RYR3: variants seen among roughly 807,000 people sequenced by gnomAD.
The protein encoded by RYR3 is brain ryanodine receptor-calcium release channel.
A neutral mutation model predicts 584.3 loss-of-function variants in RYR3; 207 were observed. That is an observed-to-expected ratio of 0.35 (90% confidence interval 0.32 to 0.40). The LOEUF (loss-of-function observed/expected upper bound fraction) is 0.40, where lower values mean the gene tolerates loss of function less well. RYR3 is among the 10% of genes least tolerant of loss of function. The pLI is 1.00. For missense variants in RYR3, 5,616 were observed against 6,089.2 expected, an observed-to-expected ratio of 0.92 and a Z score of 2.59; for synonymous variants, 2,416 against 2,248.5, an observed-to-expected ratio of 1.07 and a Z score of -2.11.
intron 1 of RYR3, among the ~76,000 whole-genome samples, chr15:33,459,209 C>G (rs28465311): frequency 6.6e-5 from 10 of 152,306 alleles, no homozygotes; most frequent in South Asian, 4.2e-4. Flanking sequence ...TTGAGCCCCA[C>G]GGCTTCATAG....
At chr15:33,845,148 C>G (rs767767589) in intron 93 of RYR3, 86 bp downstream of exon 93, 2 of 1,408,230 alleles carry the variant, frequency 1.4e-6, no homozygotes, top group Non-Finnish European at 2.0e-6. Context: ...TGCTCTAAGA[C>G]TTTGCTAGCC....
In RYR3 at chr15:33,746,803, C is replaced by CTTTTTTTTT. The variant is rs367738785; in HGVS notation, c.7989+654_7989+662dup. On this transcript the variant is annotated intron_variant, in intron 53 of 103. Transcript: ENST00000634891. The stretch of plus-strand genomic sequence containing the variant: ...GACAAAAATAATTTCTTTCTTTCTT[C>CTTTTTTTTT]TTTTTTTTTTTTTTTTCTCTTTTGA... 3.7e-5 allele frequency among the ~76,000 whole-genome samples: 5 copies of CTTTTTTTTT among 135,704 alleles called. 1 individual carries two copies. Among genetic ancestry groups the CTTTTTTTTT allele is most frequent in the East Asian group, 4.5e-4 (2 of 4,458 alleles). 89.0% of individuals were successfully genotyped at this position (135,704 alleles called of 152,430 possible).
intron 3 of RYR3, among the ~76,000 whole-genome samples, chr15:33,508,020 C>T (rs114403445): frequency 0.021 from 3,128 of 152,216 alleles, 98 homozygotes; most frequent in African/African-American, 0.072. Flanking sequence ...CAACTAGGTG[C>T]ATGTTAAACT....
Position 33,722,859 on chromosome 15 carries a change from C to A in RYR3, c.6764C>A (p.Ala2255Glu), listed in dbSNP as rs796687835. The change falls in exon 44 of 104, where the codon GCG (alanine) becomes GAG (glutamate). Residue 2255 changes from alanine (A) to glutamate (E), a missense_variant. By Grantham distance (107) the Ala-to-Glu change is moderately radical. Around this residue, in one of 9 missense-constraint regions of RYR3, gnomAD observed 1,280 missense variants for 1,426.2 expected, o/e 0.90. Transcript: ENST00000634891. ...QGAIKISENP[A>E]LDLPSQGYKR... The stretch of plus-strand genomic sequence containing the variant: ...GCCATTAAGATCTCTGAGAACCCAG[C>A]GCTCGACCTCCCCTCTCAAGGATAC... 2 of 1,596,408 alleles carry A rather than the reference C, an allele frequency of 1.3e-6. No homozygotes were observed. Among genetic ancestry groups the A allele is most frequent in the East Asian group, 2.2e-5 (1 of 44,604 alleles).
intron 99 of RYR3, chr15:33,858,743 T>C (rs7497687): frequency 1.3e-5 from 2 of 152,112 alleles, no homozygotes; most frequent in Non-Finnish European, 2.9e-5. Context: ...CTGCCCAGAG[T>C]AAGCCAGCTT....
At chr15:33,505,195 A>C (rs144665403) in intron 3 of RYR3, among the ~76,000 whole-genome samples, 1 of 152,300 alleles carries the variant, frequency 6.6e-6, no homozygotes, top group African/African-American at 2.4e-5. Context: ...CATTTCGGCC[A>C]TCCTCCAGCC....
chr15:33,643,363 A>G (rs1304562945), intron 27 of RYR3, among the ~76,000 whole-genome samples: 3 of 152,196 alleles, frequency 2.0e-5, no homozygotes, highest in African/African-American at 7.2e-5. Context: ...TTGTTGGTCC[A>G]CAATTATGAT....
chr15:33,620,351 C>G (rs1372800638), intron 19 of RYR3, among the ~76,000 whole-genome samples: 1 of 152,122 alleles, frequency 6.6e-6, no homozygotes, highest in Non-Finnish European at 1.5e-5. Context: ...CCCTTTCTCC[C>G]TAAAAGTTCT....
intron 92 of RYR3, 94 bp downstream of exon 92, chr15:33,843,668 T>G: frequency 1.1e-6 from 1 of 913,812 alleles, no homozygotes; most frequent in Non-Finnish European, 1.7e-6. Context: ...GTGCTCTTAA[T>G]TGTAGCAAAC....
chr15:33,620,534 A>T (rs2152584541), intron 19 of RYR3, among the ~76,000 whole-genome samples: 1 of 152,274 alleles, frequency 6.6e-6, no homozygotes, highest in South Asian at 2.1e-4. Flanking sequence ...TAACTGTGGG[A>T]CCTCAACCAA....
In RYR3 at chr15:33,473,488, G is replaced by T. The variant is rs1383625599; in HGVS notation, c.121G>T (p.Glu41Ter). ...KEQRKFCLAA[E>*]GLGNRLCFLE... The stretch of plus-strand genomic sequence containing the variant: ...GCAGAGGAAGTTCTGCCTGGCAGCC[G>T]AGGGACTTGGGAATCGCCTGTGCTT... The change falls in exon 2 of 104, where the codon GAG (glutamate) becomes TAG (stop). Residue 41 changes from glutamate to a stop codon, truncating the protein, a stop_gained. Transcript: ENST00000634891. LOFTEE classifies it high-confidence loss of function. 3 of 1,613,822 alleles carry T rather than the reference G, an allele frequency of 1.9e-6. No homozygotes were observed. The highest frequency in any genetic ancestry group is 1.3e-5 in the African/African-American group (1 of 74,910).
chr15:33,794,047 T>TTAC (rs2075350989), intron 67 of RYR3, among the ~76,000 whole-genome samples: 6 of 21,184 alleles, frequency 2.8e-4, no homozygotes, highest in Non-Finnish European at 7.7e-4. Flanking sequence ...TAAATACATA[T>TTAC]ATATAAATAT....
rs1423109122 is a variant in RYR3, at chr15:33,820,757, G to A, written c.10760G>A (p.Ser3587Asn). ...CCTTCCCTGCTCCATGAAATCCAGA[G>A]TTGTCAAAGTGGTGAGGATGAAGAA... ...YTSYSSMMAK[S>N]CQSGEDEEED... The change falls in exon 78 of 104, where the codon AGT becomes AAT. Residue 3587 changes from serine (S) to asparagine (N), a missense_variant and splice_region_variant. Coordinates refer to ENST00000634891, the MANE Select transcript of RYR3 (RefSeq NM_001036.6). The A allele has an allele frequency of 7.5e-6, 12 of 1,605,446 alleles. No homozygotes were observed. Among genetic ancestry groups the A allele is most frequent in the Non-Finnish European group, 9.4e-6 (11 of 1,175,862 alleles).
chr15:33,748,656 A>G, intron 55 of RYR3, 126 bp downstream of exon 55: 1 of 821,100 alleles, frequency 1.2e-6, no homozygotes, highest in Non-Finnish European at 2.0e-6. Flanking sequence ...AAAACTGAAG[A>G]CGGTCACCTT....
intron 39 of RYR3, 113 bp from the exon 40 acceptor site, chr15:33,697,769 C>T: frequency 1.5e-6 from 1 of 662,224 alleles, no homozygotes; most frequent in South Asian, 1.8e-5. Context: ...ATCTTTTCAG[C>T]CTGTTACTTT....
intron 1 of RYR3, among the ~76,000 whole-genome samples, chr15:33,395,588 GC>G (rs2042248989): frequency 1.3e-5 from 2 of 152,204 alleles, no homozygotes; most frequent in Non-Finnish European, 2.9e-5. Context: ...GTGACTGACA[GC>G]CTTCCCGTGA....
Position 33,503,640 on chromosome 15 carries a change from C to T in RYR3, c.181C>T (p.Pro61Ser). ...GATTTTATTTCCACAGTACATTCCT[C>T]CAGATCTCTGCGTCTGCAATTTTGT... ...EPTSEAKYIP[P>S]DLCVCNFVLE... Residue 61 changes from proline to serine, a missense_variant, in exon 3 of 104, where the codon CCA (proline) becomes TCA (serine). Physicochemically the swap from Pro to Ser is moderately conservative, Grantham distance 74. Coordinates refer to ENST00000634891, the MANE Select transcript of RYR3 (RefSeq NM_001036.6). 6 of 1,604,602 alleles carry T rather than the reference C, an allele frequency of 3.7e-6. No individual in the cohort carries two copies. The highest frequency in any genetic ancestry group is 4.3e-6 in the Non-Finnish European group (5 of 1,172,628).
rs1270228059 is a variant in RYR3, at chr15:33,771,937, G to T, written c.8834G>T (p.Gly2945Val). 1 of 1,611,946 alleles carries T rather than the reference G, an allele frequency of 6.2e-7. No homozygotes were observed. Among genetic ancestry groups the T allele is most frequent in the Admixed American group, 1.7e-5 (1 of 59,834 alleles). Residue 2945 changes from glycine (G) to valine (V), a missense_variant, in exon 63 of 104, where the codon GGC becomes GTC. By Grantham distance (109) the Gly-to-Val change is moderately radical (BLOSUM62 -3). This residue lies in a region of RYR3 where 1,280 missense variants were observed against 1,426.2 expected (regional missense o/e 0.90). Coordinates refer to ENST00000634891, the MANE Select transcript of RYR3 (RefSeq NM_001036.6). ...TLDTRTVMKS[G>V]SELVKAGLRA... ...GCTTGCAGGACTGTCATGAAGTCAGGCTCAGAGCTGGTGAAGGCTGGGTTA... is the reference window on the plus strand; with the variant it reads ...GCTTGCAGGACTGTCATGAAGTCAGTCTCAGAGCTGGTGAAGGCTGGGTTA...
At chr15:33,379,691 A>C (rs867346377) in intron 1 of RYR3, among the ~76,000 whole-genome samples, 12,500 of 113,240 alleles carry the variant, frequency 0.11, 635 homozygotes, top group African/African-American at 0.14. Flanking sequence ...CTCTCTCTAT[A>C]TATATATATA....
Sources: gnomAD v4.1 joint callset for allele counts (sites outside exome capture counted in the v4.1 genomes callset) on GRCh38, gnomAD v4.1.1 for gene constraint, gnomAD v4.1.1 regional missense constraint, MANE v1.5 for transcripts, NCBI Gene and HGNC (gene_info 2026-07-23, HGNC 2026-07-21) for gene names.